The following ANO1 variants were observed in gnomAD, a reference collection of about 807,000 sequenced individuals.
ANO1 encodes anoctamin 1.
Under a neutral mutation model 124.0 loss-of-function variants are expected in ANO1, and 59 were observed. The ratio of observed to expected loss-of-function variants is 0.48; its 90% CI spans 0.39 to 0.59. The LOEUF (loss-of-function observed/expected upper bound fraction) is 0.59. Among genes scored for constraint, ANO1 ranks in the 20% least tolerant of loss-of-function variants. The pLI is 0.00. For synonymous variants in ANO1, 529 were observed against 532.0 expected, an observed-to-expected ratio of 0.99 and a Z score of 0.08; for missense variants, 1,059 against 1,328.0, an observed-to-expected ratio of 0.80 and a Z score of 3.15.
chr11:70,014,325 C>A (rs1555001577), intron 1 of ANO1, among the ~76,000 whole-genome samples: 1 of 150,888 alleles, frequency 6.6e-6, no homozygotes, highest in African/African-American at 2.4e-5. Flanking sequence ...CACTCCCCGC[C>A]CCTGAGCCGC....
At chr11:70,104,241 C>T (rs1269811419) in intron 4 of ANO1, 91 bp downstream of exon 4, 11 of 1,397,300 alleles carry the variant, frequency 7.9e-6, no homozygotes, top group South Asian at 1.5e-5. Flanking sequence ...ATTATCTGTC[C>T]CCCAAAGAAG....
chr11:70,187,691 C>T, intron 25 of ANO1, 47 bp from the exon 26 acceptor site: 3 of 1,565,506 alleles, frequency 1.9e-6, no homozygotes, highest in Non-Finnish European at 2.6e-6. Flanking sequence ...AGGAGCACTT[C>T]CCCAGGCGCC....
chr11:70,106,584 A>G (rs1178657386), intron 5 of ANO1, among the ~76,000 whole-genome samples: 1 of 152,150 alleles, frequency 6.6e-6, no homozygotes, highest in Non-Finnish European at 1.5e-5. Flanking sequence ...CACTGCTGGG[A>G]CAGACAGATC....
intron 1 of ANO1, among the ~76,000 whole-genome samples, chr11:70,058,970 T>A (rs868924504): frequency 4.0e-5 from 6 of 150,146 alleles, no homozygotes; most frequent in South Asian, 2.1e-4. Flanking sequence ...GATCACGAGG[T>A]CAGGAGATCA....
chr11:70,163,108 T>C (rs1171560751), intron 18 of ANO1, among the ~76,000 whole-genome samples, 175 bp from the exon 19 acceptor site: 2 of 152,226 alleles, frequency 1.3e-5, no homozygotes, highest in Non-Finnish European at 2.9e-5. Context: ...CTTTGACCAA[T>C]GAAAACCACT....
intron 1 of ANO1, among the ~76,000 whole-genome samples, chr11:70,040,307 G>A (rs941671173): frequency 1.3e-5 from 2 of 152,100 alleles, no homozygotes; most frequent in Admixed American, 6.6e-5. Flanking sequence ...TGTGCAGCAA[G>A]AGAAAGACAA....
chr11:70,046,085 C>A (rs1857256019), intron 1 of ANO1, among the ~76,000 whole-genome samples: 1 of 152,004 alleles, frequency 6.6e-6, no homozygotes, highest in Non-Finnish European at 1.5e-5. Context: ...GAGGGATGAG[C>A]AAAAAGGACT....
intron 2 of ANO1, among the ~76,000 whole-genome samples, chr11:70,101,485 G>A (rs1000179665): frequency 3.3e-5 from 5 of 151,232 alleles, no homozygotes; most frequent in African/African-American, 1.2e-4. Flanking sequence ...GAACTCAGGA[G>A]GTGGAGGTTG....
intron 1 of ANO1, among the ~76,000 whole-genome samples, chr11:70,003,635 A>G (rs1040558576): frequency 2.6e-5 from 4 of 151,760 alleles, no homozygotes; most frequent in African/African-American, 7.3e-5. Flanking sequence ...GGATGGATGG[A>G]TGGATGGATG....
At position 70,085,101 on chromosome 11, in the gene ANO1, G is replaced by A. The variant is rs151270390; in HGVS notation, c.109-2651G>A. Among the ~76,000 whole-genome samples, 362 of 152,250 alleles carry A rather than the reference G, an allele frequency of 2.4e-3. 2 individuals are homozygous for A. Among genetic ancestry groups the A allele is most frequent in the African/African-American group, 8.3e-3 (343 of 41,536 alleles). On this transcript the variant is annotated intron_variant, in intron 1 of 25. Transcript: ENST00000355303. ...GACTTGAGGCTGAGCTCAGCCTCCCGCCTGCGCTGTAACCCGGGCTCTCCT... is the reference window on the plus strand; with the variant it reads ...GACTTGAGGCTGAGCTCAGCCTCCCACCTGCGCTGTAACCCGGGCTCTCCT...
chr11:70,014,593 T>C (rs917842903), intron 1 of ANO1, among the ~76,000 whole-genome samples: 8 of 152,154 alleles, frequency 5.3e-5, no homozygotes, highest in African/African-American at 1.7e-4. Context: ...GGAGCAGTGC[T>C]GCTCTATCTG....
intron 12 of ANO1, among the ~76,000 whole-genome samples, chr11:70,151,322 C>A (rs2047594887): frequency 6.6e-6 from 1 of 152,124 alleles, no homozygotes; most frequent in African/African-American, 2.4e-5. Context: ...CACAAATGAC[C>A]AGACAGAGAT....
chr11:70,026,783 C>T (rs1856915385), intron 1 of ANO1, among the ~76,000 whole-genome samples: 1 of 152,172 alleles, frequency 6.6e-6, no homozygotes, highest in Non-Finnish European at 1.5e-5. Context: ...CTCCCCAGCT[C>T]TCGACTCTCC....
At chr11:69,989,373 C>T (rs1856110816) in intron 1 of ANO1, among the ~76,000 whole-genome samples, 1 of 152,138 alleles carries the variant, frequency 6.6e-6, no homozygotes, top group African/African-American at 2.4e-5. Flanking sequence ...TGTGGGAAAA[C>T]ACCTGAAAGA....
In ANO1 at chr11:70,161,277, A is replaced by G; in HGVS notation, c.1695A>G (p.Thr565=). 1 of 1,613,904 alleles carries G rather than the reference A, an allele frequency of 6.2e-7. No individual in the cohort carries two copies. The highest frequency in any genetic ancestry group is 1.3e-5 in the African/African-American group (1 of 75,058). The part of the protein sequence containing the change: ...SVRSNIRVTV[T]ATAVIINLVV... ...GGTCCAACATCCGGGTCACAGTCAC[A>G]GCCACCGCAGTCATCATCAACCTAG... Residue 565 remains threonine, a synonymous_variant, in exon 17 of 26, where the codon ACA becomes ACG. Coordinates refer to ENST00000355303, the MANE Select transcript of ANO1 (RefSeq NM_018043.7).
intron 20 of ANO1, among the ~76,000 whole-genome samples, chr11:70,166,892 T>C (rs1241154753): frequency 6.6e-6 from 1 of 152,154 alleles, no homozygotes. Flanking sequence ...ATGCCTATAA[T>C]CCTAGTACTT....
chr11:70,101,858 C>T (rs1218454837), intron 2 of ANO1, among the ~76,000 whole-genome samples: 1 of 152,116 alleles, frequency 6.6e-6, no homozygotes, highest in Non-Finnish European at 1.5e-5. Flanking sequence ...GTGGATGGGA[C>T]CTCAGTCTGG....
At chr11:70,027,235 G>A (rs1230760274) in intron 1 of ANO1, among the ~76,000 whole-genome samples, 1 of 152,130 alleles carries the variant, frequency 6.6e-6, no homozygotes, top group Non-Finnish European at 1.5e-5. Flanking sequence ...AAAATGCATT[G>A]AGTATGCCTA....
chr11:70,105,193 A>G (rs1407621286), intron 4 of ANO1, among the ~76,000 whole-genome samples: 1 of 152,028 alleles, frequency 6.6e-6, no homozygotes, highest in Non-Finnish European at 1.5e-5. Flanking sequence ...CGCCCTCCCC[A>G]GCTCTCCCCG....
Sources: allele counts gnomAD v4.1 joint callset (sites outside exome capture counted in the v4.1 genomes callset), GRCh38; gene constraint gnomAD v4.1.1; transcripts MANE v1.5; gene names NCBI Gene and HGNC (gene_info 2026-07-23, HGNC 2026-07-21).